CHRM5: variants seen among roughly 807,000 people sequenced by gnomAD.
CHRM5 encodes the protein cholinergic receptor muscarinic 5, also known as muscarinic acetylcholine receptor M5.
CHRM5 carries 18 observed loss-of-function variants against 39.0 expected under a neutral mutation model. That is an observed-to-expected ratio of 0.46 (90% CI 0.32 to 0.68). The LOEUF is 0.68. CHRM5 is among the 30% of genes least tolerant of loss of function. CHRM5 has a pLI of 0.04. For missense variants in CHRM5, 515 were observed against 651.1 expected, an observed-to-expected ratio of 0.79 and a Z score of 2.28; for synonymous variants, 241 against 246.3, an observed-to-expected ratio of 0.98 and a Z score of 0.20.
intron 1 of CHRM5, among the ~76,000 whole-genome samples, chr15:33,996,804 A>AAAGG (rs1335161912): frequency 6.6e-6 from 1 of 152,240 alleles, no homozygotes. Flanking sequence ...CTTGTCCTCC[A>AAAGG]AAGGAACGCA....
intron 1 of CHRM5, among the ~76,000 whole-genome samples, chr15:33,984,029 C>A (rs946736344): frequency 6.6e-6 from 1 of 151,310 alleles, no homozygotes; most frequent in Non-Finnish European, 1.5e-5. Flanking sequence ...GAAACTGTCA[C>A]AAATAAGAAG....
chr15:33,986,590 A>G (rs919349495), intron 1 of CHRM5, among the ~76,000 whole-genome samples: 4 of 152,140 alleles, frequency 2.6e-5, no homozygotes, highest in Non-Finnish European at 4.4e-5. Context: ...TATTAAAGAC[A>G]ATATTTTCCT....
intron 2 of CHRM5, among the ~76,000 whole-genome samples, chr15:34,059,802 C>T (rs945508512): frequency 2.0e-5 from 3 of 152,218 alleles, no homozygotes; most frequent in South Asian, 4.1e-4. Flanking sequence ...GTCCACTCAA[C>T]GAGGCTGGAG....
At position 34,062,587 on chromosome 15, in the gene CHRM5, G is replaced by A. The variant is rs577135733; in HGVS notation, c.-75-56G>A. The A allele has an allele frequency of 2.1e-5, 15 of 718,616 alleles. No individual in the cohort carries two copies. The South Asian group carries it at 3.1e-4, about 15-fold the overall frequency. 44.5% of individuals were successfully genotyped at this position (718,616 alleles called of 1,614,324 possible). A position where few individuals can be genotyped will look rare whatever the true frequency, so the allele number is the denominator to read the frequency against. On this transcript the variant is annotated intron_variant, in intron 2 of 2. Transcript: ENST00000383263. The stretch of plus-strand genomic sequence containing the variant: ...AAAAAAAAAAAAACTATAAACAATG[G>A]ATGGACAAGAAAATCATGCTGGTGT...
At chr15:34,022,930 G>A (rs1012063219) in intron 1 of CHRM5, among the ~76,000 whole-genome samples, 2 of 152,206 alleles carry the variant, frequency 1.3e-5, no homozygotes, top group Admixed American at 6.5e-5. Context: ...GCTCACGCCT[G>A]TAATCCCAGC....
intron 2 of CHRM5, among the ~76,000 whole-genome samples, chr15:34,053,590 A>C (rs1424244770): frequency 6.6e-6 from 1 of 152,004 alleles, no homozygotes; most frequent in African/African-American, 2.4e-5. Flanking sequence ...AGGATTCCCT[A>C]TTTCATAAAT....
At chr15:34,006,188 G>C (rs1897331233) in intron 1 of CHRM5, among the ~76,000 whole-genome samples, 1 of 152,094 alleles carries the variant, frequency 6.6e-6, no homozygotes. Context: ...GCGGGCACCT[G>C]TAGTCCCAGC....
At chr15:34,044,777 G>A (rs549801197) in intron 1 of CHRM5, among the ~76,000 whole-genome samples, 33 of 152,290 alleles carry the variant, frequency 2.2e-4, no homozygotes, top group African/African-American at 6.3e-4. Context: ...TTGGCTGGGC[G>A]CGGTGGCTCA....
chr15:33,999,458 A>T (rs553112054), intron 1 of CHRM5, among the ~76,000 whole-genome samples: 1 of 152,266 alleles, frequency 6.6e-6, no homozygotes, highest in East Asian at 1.9e-4. Flanking sequence ...TTCTGACTGC[A>T]ACAGGTATCA....
At chr15:34,025,796 A>T (rs2140737208) in intron 1 of CHRM5, among the ~76,000 whole-genome samples, 1 of 140,888 alleles carries the variant, frequency 7.1e-6, no homozygotes, top group African/African-American at 2.5e-5. Flanking sequence ...GCATGTGTAA[A>T]GCGGAGGAAG....
intron 1 of CHRM5, among the ~76,000 whole-genome samples, chr15:34,045,006 C>T (rs1021311302): frequency 6.6e-6 from 1 of 152,122 alleles, no homozygotes; most frequent in South Asian, 2.1e-4. Flanking sequence ...CGAGATCGTG[C>T]CACTGCACTC....
chr15:34,001,881 ATCAAAG>A (rs1421197093), intron 1 of CHRM5, among the ~76,000 whole-genome samples: 8 of 152,202 alleles, frequency 5.3e-5, no homozygotes, highest in Non-Finnish European at 1.2e-4. Flanking sequence ...AAACAGCAAC[ATCAAAG>A]TCATGAGGAA....
chr15:34,049,067 C>A (rs562486), intron 2 of CHRM5, among the ~76,000 whole-genome samples: 98,962 of 152,068 alleles, frequency 0.65, 33,433 homozygotes, highest in South Asian at 0.78. Flanking sequence ...AACCTCAAAG[C>A]TCAAAGGTAG....
At chr15:34,057,623 T>C (rs1597392713) in intron 2 of CHRM5, among the ~76,000 whole-genome samples, 1 of 152,232 alleles carries the variant, frequency 6.6e-6, no homozygotes, top group Non-Finnish European at 1.5e-5. Flanking sequence ...GGTTAAGTAA[T>C]GTGTCCAAAG....
At chr15:34,020,499 C>G (rs1898157941) in intron 1 of CHRM5, among the ~76,000 whole-genome samples, 1 of 152,086 alleles carries the variant, frequency 6.6e-6, no homozygotes, top group South Asian at 2.1e-4. Flanking sequence ...CTCTAAGCAC[C>G]TATCCTTGTT....
chr15:33,993,439 T>C (rs1896808985), intron 1 of CHRM5, among the ~76,000 whole-genome samples: 1 of 152,024 alleles, frequency 6.6e-6, no homozygotes, highest in Non-Finnish European at 1.5e-5. Flanking sequence ...TCACTGTCAG[T>C]GGTCAGAAAC....
chr15:34,020,457 C>A (rs1249241275), intron 1 of CHRM5, among the ~76,000 whole-genome samples: 1 of 152,206 alleles, frequency 6.6e-6, no homozygotes, highest in Admixed American at 6.5e-5. Flanking sequence ...AATACTATTT[C>A]TCTTAAAGCA....
At position 34,066,892 on chromosome 15, in the gene CHRM5, T is replaced by G. The variant is rs1278725431; in HGVS notation, c.*2576T>G. On this transcript the variant is annotated 3_prime_UTR_variant, in exon 3 of 3. Coordinates refer to ENST00000383263, the MANE Select transcript of CHRM5 (RefSeq NM_012125.4). ...TTGGAAAGCAGCCAGTTTTGCAGACTACCTATGCCTCTTGACATAGACAAA... is the reference window on the plus strand; with the variant it reads ...TTGGAAAGCAGCCAGTTTTGCAGACGACCTATGCCTCTTGACATAGACAAA... The G allele has an allele frequency of 6.6e-6, 1 of 152,020 alleles. No individual in the cohort carries two copies. Among genetic ancestry groups the G allele is most frequent in the Non-Finnish European group, 1.5e-5 (1 of 68,026 alleles). The allele number at this position is 152,020 out of a possible 1,614,324, so 9.4% of individuals were successfully genotyped here.
intron 1 of CHRM5, among the ~76,000 whole-genome samples, chr15:34,001,019 ATT>A (rs562045179): frequency 2.0e-4 from 27 of 136,714 alleles, no homozygotes; most frequent in African/African-American, 4.5e-4. Context: ...TTGGACTAGA[ATT>A]TTTTTTTTTT....
Sources: gnomAD v4.1 joint callset for allele counts (sites outside exome capture counted in the v4.1 genomes callset) on GRCh38, gnomAD v4.1.1 for gene constraint, MANE v1.5 for transcripts, NCBI Gene and HGNC (gene_info 2026-07-23, HGNC 2026-07-21) for gene names.